NUDC: variants seen among roughly 807,000 people sequenced by gnomAD.
NUDC encodes nuclear distribution C, dynein complex regulator.
A neutral mutation model predicts 45.0 loss-of-function variants in NUDC; 14 were observed. The observed-to-expected ratio is 0.31, with a 90% CI of 0.21 to 0.49. NUDC has a LOEUF of 0.49. Ranked by LOEUF, NUDC falls within the 20% of genes least tolerant of loss-of-function variation. The pLI, the probability that NUDC is intolerant of heterozygous loss-of-function variation, is 0.99. For synonymous variants in NUDC, 153 were observed against 156.7 expected, an observed-to-expected ratio of 0.98 and a Z score of 0.17; for missense variants, 323 against 426.2, an observed-to-expected ratio of 0.76 and a Z score of 2.13.
upstream of NUDC, among the ~76,000 whole-genome samples, chr1:26,920,384 A>G (rs992928714): frequency 6.6e-6 from 1 of 152,048 alleles, no homozygotes; most frequent in African/African-American, 2.4e-5. Context: ...GCTACTTGGG[A>G]GGCTGAGAAT....
intron 2 of NUDC, among the ~76,000 whole-genome samples, chr1:26,933,419 T>G (rs1428632484): frequency 6.6e-6 from 1 of 152,036 alleles, no homozygotes; most frequent in African/African-American, 2.4e-5. Flanking sequence ...TGTTTTTGTT[T>G]TTGTTTTTGT....
chr1:26,900,380 G>C, exon 1 of NUDC: 4 of 1,613,986 alleles, frequency 2.5e-6, no homozygotes, highest in Non-Finnish European at 3.4e-6. Flanking sequence ...GCAACACGGA[G>C]GGGATACCGC....
At chr1:26,944,274 TCA>T (rs2082301971) in intron 6 of NUDC, among the ~76,000 whole-genome samples, 1 of 152,120 alleles carries the variant, frequency 6.6e-6, no homozygotes. Flanking sequence ...AGTGGCGCAA[TCA>T]CGGCTTACTG....
chr1:26,936,651 A>G (rs1194133510), intron 2 of NUDC, among the ~76,000 whole-genome samples: 1 of 152,074 alleles, frequency 6.6e-6, no homozygotes. Flanking sequence ...ACAAAAAAAA[A>G]TTTTAAGATT....
chr1:26,940,556 G>A (rs2082268218), intron 2 of NUDC, among the ~76,000 whole-genome samples: 10 of 152,176 alleles, frequency 6.6e-5, no homozygotes, highest in Admixed American at 6.6e-4. Context: ...GTCTTGCATA[G>A]CTGGACTGTG....
intron 6 of NUDC, among the ~76,000 whole-genome samples, chr1:26,944,140 C>T (rs187966506): frequency 6.6e-6 from 1 of 152,176 alleles, no homozygotes; most frequent in African/African-American, 2.4e-5. Context: ...GTGATCCGCC[C>T]ACCTCGGCCT....
rs550227270 is a variant in NUDC at position 26,921,760 on chromosome 1, A to G, written c.-89A>G. Reference sequence around the variant, plus strand: ...GCTCCGCTGCGGAAGGCGGACGACTAGAGTCGTTGGGCCCGGCGCGACCCG... The same window carrying G: ...GCTCCGCTGCGGAAGGCGGACGACTGGAGTCGTTGGGCCCGGCGCGACCCG... On this transcript the variant is annotated 5_prime_UTR_variant, in exon 1 of 9. Transcript: ENST00000321265. 1.7e-5 allele frequency: 23 copies of G among 1,360,448 alleles called. No homozygotes were observed. The highest frequency in any genetic ancestry group is 2.5e-4 in the Middle Eastern group (1 of 4,020). The allele number at this position is 1,360,448 out of a possible 1,614,324, so 84.3% of individuals were successfully genotyped here.
At chr1:26,930,888 G>C (rs1396462504) in intron 2 of NUDC, among the ~76,000 whole-genome samples, 2 of 150,756 alleles carry the variant, frequency 1.3e-5, no homozygotes, top group African/African-American at 4.9e-5. Context: ...TGGTGGCAGG[G>C]GCCTGTAATC....
intron 2 of NUDC, among the ~76,000 whole-genome samples, chr1:26,910,404 G>A (rs1003712081): frequency 6.6e-6 from 1 of 152,174 alleles, no homozygotes; most frequent in African/African-American, 2.4e-5. Flanking sequence ...GTGAGAGGCT[G>A]GGTAAGGGAC....
chr1:26,923,947 G>T, intron 1 of NUDC, 142 bp from the exon 2 acceptor site: 1 of 737,688 alleles, frequency 1.4e-6, no homozygotes, highest in Admixed American at 2.0e-5. Context: ...ACCTGCTGGG[G>T]AGATAATCTC....
chr1:26,938,627 G>A (rs1020331889), intron 2 of NUDC, among the ~76,000 whole-genome samples: 29 of 152,310 alleles, frequency 1.9e-4, no homozygotes, highest in Middle Eastern at 3.4e-3. Context: ...GGGCATAGCA[G>A]GAGAATTTGG....
intron 2 of NUDC, among the ~76,000 whole-genome samples, chr1:26,925,532 C>CCG: frequency 7.9e-6 from 1 of 127,374 alleles, no homozygotes; most frequent in African/African-American, 3.2e-5. Flanking sequence ...CAGTGAGACT[C>CCG]CGTCTCAAAA....
chr1:26,921,761 G>C lies in NUDC; in HGVS notation c.-88G>C, dbSNP rs1338329086. On this transcript the variant is annotated 5_prime_UTR_variant, in exon 1 of 9. Coordinates refer to ENST00000321265, the MANE Select transcript of NUDC (RefSeq NM_006600.4). ...CTCCGCTGCGGAAGGCGGACGACTA[G>C]AGTCGTTGGGCCCGGCGCGACCCGC... is the stretch of plus-strand genomic sequence containing the variant. 6.5e-6 allele frequency: 9 copies of C among 1,387,614 alleles called. No individual in the cohort carries two copies. Among genetic ancestry groups the C allele is most frequent in the Middle Eastern group, 2.5e-4 (1 of 4,058 alleles). 86.0% of individuals were successfully genotyped at this position (1,387,614 alleles called of 1,614,324 possible). A position where few individuals can be genotyped will look rare whatever the true frequency, so the allele number is the denominator to read the frequency against.
intron 3 of NUDC, among the ~76,000 whole-genome samples, chr1:26,915,523 C>A (rs1386797721): frequency 6.6e-6 from 1 of 152,190 alleles, no homozygotes; most frequent in Non-Finnish European, 1.5e-5. Context: ...GTGTGGCAAG[C>A]CTTCTGCTGC....
rs554308167 is a variant in NUDC at position 26,929,958 on chromosome 1, A to G, written c.159+5792A>G. 5.3e-5 allele frequency among the ~76,000 whole-genome samples: 8 copies of G among 152,212 alleles called. No individual in the cohort carries two copies. The East Asian group carries it at 1.4e-3, about 26-fold the overall frequency. On this transcript the variant is annotated intron_variant, in intron 2 of 8. Coordinates refer to ENST00000321265, the MANE Select transcript of NUDC (RefSeq NM_006600.4). ...AGAATCACTTGAACCCAGGAGGCGG[A>G]GGTTTCAGTGAGTCGAGATCGCACC...
chr1:26,946,231 A>C lies in NUDC; in HGVS notation c.*50A>C, dbSNP rs377225497. ...CTTGGGGCTGAGCTGCAACCACCCA[A>C]CTTTCTTTCCCACTCTTCTCTGGGA... On this transcript the variant is annotated 3_prime_UTR_variant, in exon 9 of 9. Coordinates refer to ENST00000321265, the MANE Select transcript of NUDC (RefSeq NM_006600.4). 6.6e-7 allele frequency: 1 copy of C among 1,517,162 alleles called. No homozygotes were observed. The highest frequency in any genetic ancestry group is 1.1e-5 in the South Asian group (1 of 89,124). The allele number at this position is 1,517,162 out of a possible 1,614,324, so 94.0% of individuals were successfully genotyped here.
At chr1:26,901,530 G>A (rs1193011536) in intron 1 of NUDC, among the ~76,000 whole-genome samples, 3 of 147,058 alleles carry the variant, frequency 2.0e-5, no homozygotes, top group South Asian at 2.2e-4. Context: ...TCAGCCTCCC[G>A]AGTAGCTGGG....
chr1:26,926,097 A>G (rs1178995999), intron 2 of NUDC, among the ~76,000 whole-genome samples: 2 of 150,722 alleles, frequency 1.3e-5, no homozygotes, highest in Non-Finnish European at 3.0e-5. Flanking sequence ...GCTCACTGCA[A>G]TGTCTGCCTC....
chr1:26,922,081 C>T (rs2082096234), intron 1 of NUDC, 152 bp downstream of exon 1: 2 of 791,536 alleles, frequency 2.5e-6, no homozygotes, highest in Non-Finnish European at 2.1e-6. Context: ...GGCCTGGCCA[C>T]CCGCCAGCAG....
Sources: gnomAD v4.1 joint callset for allele counts (sites outside exome capture counted in the v4.1 genomes callset) on GRCh38, gnomAD v4.1.1 for gene constraint, MANE v1.5 for transcripts, NCBI Gene and HGNC (gene_info 2026-07-23, HGNC 2026-07-21) for gene names.